RUNX2: variants seen among roughly 807,000 people sequenced by gnomAD.
RUNX2 encodes RUNX family transcription factor 2.
Under a neutral mutation model 51.7 loss-of-function variants are expected in RUNX2, and 10 were observed. The ratio of observed to expected loss-of-function variants is 0.19; its 90% CI spans 0.12 to 0.33. RUNX2 has a LOEUF of 0.33. RUNX2 is among the 10% of genes least tolerant of loss of function. RUNX2 has a pLI of 1.00. For synonymous variants in RUNX2, 276 were observed against 273.6 expected (o/e 1.01, Z -0.09); for missense variants, 562 against 691.3 (o/e 0.81, Z 2.10).
chr6:45,438,474 C>G (rs763343041), intron 5 of RUNX2, among the ~76,000 whole-genome samples: 5 of 152,200 alleles, frequency 3.3e-5, no homozygotes, highest in Non-Finnish European at 7.3e-5. Context: ...AGCTTTTTAA[C>G]TCGCCCACTC....
chr6:45,340,835 T>C (rs1789633342), intron 2 of RUNX2, among the ~76,000 whole-genome samples: 1 of 152,148 alleles, frequency 6.6e-6, no homozygotes, highest in Admixed American at 6.6e-5. Flanking sequence ...AATATGATTA[T>C]AATCATAGGC....
At chr6:45,392,236 G>A (rs1248265226) in intron 2 of RUNX2, among the ~76,000 whole-genome samples, 2 of 152,052 alleles carry the variant, frequency 1.3e-5, no homozygotes, top group African/African-American at 4.8e-5. Flanking sequence ...TGGGCATATT[G>A]GCTCATGCCT....
chr6:45,485,183 TC>T (rs1800231951), intron 5 of RUNX2, among the ~76,000 whole-genome samples: 2 of 150,126 alleles, frequency 1.3e-5, no homozygotes, highest in Non-Finnish European at 3.0e-5. Context: ...TCCTTTCTTT[TC>T]TTTCTTTCTT....
intron 5 of RUNX2, among the ~76,000 whole-genome samples, chr6:45,464,192 A>T (rs978797868): frequency 1.3e-5 from 1 of 78,312 alleles, no homozygotes; most frequent in African/African-American, 3.4e-5. Flanking sequence ...GACTCCGTCT[A>T]AAAAAAAAAA....
At chr6:45,351,617 T>A (rs920764275) in intron 2 of RUNX2, among the ~76,000 whole-genome samples, 1 of 152,112 alleles carries the variant, frequency 6.6e-6, no homozygotes, top group African/African-American at 2.4e-5. Context: ...AATTACTACT[T>A]CTACTCTACC....
intron 2 of RUNX2, among the ~76,000 whole-genome samples, chr6:45,403,676 C>G (rs1045489914): frequency 6.6e-6 from 1 of 151,988 alleles, no homozygotes; most frequent in Admixed American, 6.6e-5. Context: ...TATTGAATGC[C>G]CATTATGTGT....
intron 2 of RUNX2, among the ~76,000 whole-genome samples, chr6:45,397,087 T>C (rs1797597229): frequency 1.3e-5 from 2 of 151,780 alleles, no homozygotes; most frequent in African/African-American, 4.8e-5. Flanking sequence ...CTGGGTCATA[T>C]GGTAAATTTA....
intron 6 of RUNX2, among the ~76,000 whole-genome samples, chr6:45,494,213 G>A (rs1187507493): frequency 6.6e-6 from 1 of 152,192 alleles, no homozygotes; most frequent in Non-Finnish European, 1.5e-5. Context: ...TGCCACAAAT[G>A]CATCTGAGCA....
rs140855655 is a variant in RUNX2, at chr6:45,329,572, G to A, written c.58+788G>A. ...TATAAACACACTGAAACACTGAAAC[G>A]TCTAAGATTCTTTTAATCACATTCT... On this transcript the variant is annotated intron_variant, in intron 2 of 8. Coordinates refer to ENST00000647337, the MANE Select transcript of RUNX2 (RefSeq NM_001024630.4). Among the ~76,000 whole-genome samples the A allele has an allele frequency of 3.6e-3, 543 of 151,940 alleles. 18 individuals carry two copies. The highest frequency in any genetic ancestry group is 0.03 in the Admixed American group (451 of 15,208).
intron 2 of RUNX2, among the ~76,000 whole-genome samples, chr6:45,339,392 C>T (rs1431072475): frequency 2.0e-5 from 3 of 152,098 alleles, no homozygotes; most frequent in African/African-American, 7.2e-5. Context: ...TTTAATACTC[C>T]TAGAAATAAG....
At chr6:45,527,672 T>A (rs1801712517) in intron 7 of RUNX2, among the ~76,000 whole-genome samples, 1 of 152,212 alleles carries the variant, frequency 6.6e-6, no homozygotes, top group Admixed American at 6.5e-5. Context: ...ATTAAACAAA[T>A]ACAGAACTAT....
intron 7 of RUNX2, among the ~76,000 whole-genome samples, chr6:45,527,728 G>A (rs908303955): frequency 5.3e-5 from 8 of 152,158 alleles, no homozygotes; most frequent in Non-Finnish European, 1.0e-4. Flanking sequence ...GATCTGAAAT[G>A]TTTTGTTTGA....
At chr6:45,478,754 GA>G (rs1270167815) in intron 5 of RUNX2, among the ~76,000 whole-genome samples, 5 of 152,060 alleles carry the variant, frequency 3.3e-5, no homozygotes, top group Non-Finnish European at 7.4e-5. Flanking sequence ...TTACAGATGA[GA>G]AAATTCTGTA....
At chr6:45,545,308 TGGGCA>T in intron 8 of RUNX2, 26 bp downstream of exon 8, 1 of 1,522,394 alleles carries the variant, frequency 6.6e-7, no homozygotes, top group Non-Finnish European at 8.9e-7. Context: ...ATTGCTGGGC[TGGGCA>T]GGGCTGGGCT....
In RUNX2 at chr6:45,547,080, T is replaced by C. The variant is rs1802423832; in HGVS notation, c.1341T>C (p.Tyr447=). The change falls in exon 9 of 9, where the codon TAT becomes TAC. Residue 447 remains tyrosine, a synonymous_variant. Coordinates refer to ENST00000647337, the MANE Select transcript of RUNX2 (RefSeq NM_001024630.4). Reference sequence around the variant, plus strand: ...CCAGCAGCACTCCATATCTCTACTATGGCACTTCGTCAGGATCCTATCAGT... The same window carrying C: ...CCAGCAGCACTCCATATCTCTACTACGGCACTTCGTCAGGATCCTATCAGT... The part of the protein sequence containing the change: ...FQTSSTPYLY[Y]GTSSGSYQFP... The C allele has an allele frequency of 6.2e-7, 1 of 1,614,098 alleles. No homozygotes were observed. Among genetic ancestry groups the C allele is most frequent in the Non-Finnish European group, 8.5e-7 (1 of 1,180,008 alleles).
chr6:45,333,062 C>T (rs1258601749), intron 2 of RUNX2, among the ~76,000 whole-genome samples: 3 of 151,552 alleles, frequency 2.0e-5, no homozygotes, highest in African/African-American at 7.3e-5. Context: ...ATATTCTAAG[C>T]TAACTGTCTA....
At chr6:45,484,677 G>A (rs1800214989) in intron 5 of RUNX2, among the ~76,000 whole-genome samples, 1 of 152,096 alleles carries the variant, frequency 6.6e-6, no homozygotes, top group African/African-American at 2.4e-5. Flanking sequence ...GGAAACCATC[G>A]ACTGAACTCC....
intron 5 of RUNX2, among the ~76,000 whole-genome samples, chr6:45,471,567 C>T (rs1027337628): frequency 2.0e-5 from 3 of 151,766 alleles, no homozygotes; most frequent in African/African-American, 7.3e-5. Context: ...GCCTCAGCCT[C>T]CCCAGCAGCT....
chr6:45,417,731 A>G (rs1401179505), intron 2 of RUNX2, among the ~76,000 whole-genome samples: 5 of 152,258 alleles, frequency 3.3e-5, no homozygotes, highest in Non-Finnish European at 7.3e-5. Context: ...GAAGGCAGCT[A>G]TAGATAATAC....
Sources: gnomAD v4.1 joint callset for allele counts (sites outside exome capture counted in the v4.1 genomes callset) on GRCh38, gnomAD v4.1.1 for gene constraint, MANE v1.5 for transcripts, NCBI Gene and HGNC (gene_info 2026-07-23, HGNC 2026-07-21) for gene names.